Variants in SLC6A13 observed in about 807,000 individuals in gnomAD.
SLC6A13 encodes the protein sodium- and chloride-dependent GABA transporter 2.
Under a neutral mutation model 72.9 loss-of-function variants are expected in SLC6A13, and 69 were observed. The ratio of observed to expected loss-of-function variants is 0.95; its 90% CI spans 0.78 to 1.16. The LOEUF (loss-of-function observed/expected upper bound fraction) is 1.16. SLC6A13 is among the 50% of genes most tolerant of loss of function. The probability of loss-of-function intolerance (pLI) is 0.00; values close to 1 mark genes in which losing one functional copy is unlikely to be tolerated. For synonymous variants in SLC6A13, 303 were observed against 303.0 expected (o/e 1.00, Z 0.00); for missense variants, 735 against 760.5 (o/e 0.97, Z 0.39).
rs139858645 is a variant in SLC6A13, at chr12:262,150, C to T, written c.-6+639G>A. 9.8e-4 allele frequency among the ~76,000 whole-genome samples: 149 copies of T among 152,258 alleles called. 1 individual carries two copies. The highest frequency in any genetic ancestry group is 3.5e-3 in the African/African-American group (145 of 41,560). ...GTGATGGAAAGCCTTCCCTTCTCCA[C>T]CCTCCCAGACCCTAGGAGAAACAGT... On this transcript the variant is annotated intron_variant, in intron 1 of 14. Coordinates refer to ENST00000343164, the MANE Select transcript of SLC6A13 (RefSeq NM_016615.5).
intron 12 of SLC6A13, 30 bp from the exon 13 acceptor site, chr12:222,662 G>A (rs750707282): frequency 1.1e-5 from 16 of 1,466,162 alleles, no homozygotes; most frequent in South Asian, 2.4e-5. Context: ...AAGGAAGGAG[G>A]AGAAAGTCAT....
chr12:232,182 T>C lies in SLC6A13; in HGVS notation c.831+2908A>G, dbSNP rs143110859. On this transcript the variant is annotated intron_variant, in intron 7 of 14. Coordinates refer to ENST00000343164, the MANE Select transcript of SLC6A13 (RefSeq NM_016615.5). Reference sequence around the variant, plus strand: ...GATCAGGACAAAGCCATGAATCTGTTGTGGAAACACTAAGACCCTCTGTCC... The same window carrying C: ...GATCAGGACAAAGCCATGAATCTGTCGTGGAAACACTAAGACCCTCTGTCC... Among the ~76,000 whole-genome samples, 34 of 152,328 alleles carry C rather than the reference T, an allele frequency of 2.2e-4. No individual in the cohort carries two copies. In the East Asian group the frequency reaches 6.2e-3, roughly 28 times the overall value.
chr12:229,677 C>T (rs534046903), intron 7 of SLC6A13, among the ~76,000 whole-genome samples: 107 of 152,332 alleles, frequency 7.0e-4, no homozygotes, highest in Admixed American at 1.4e-3. Flanking sequence ...GGGTGTGTCC[C>T]GGGAGCCCGG....
At chr12:223,591 T>A (rs1322971672) in intron 11 of SLC6A13, among the ~76,000 whole-genome samples, 1 of 152,032 alleles carries the variant, frequency 6.6e-6, no homozygotes, top group Non-Finnish European at 1.5e-5. Flanking sequence ...AAGCTCCGTC[T>A]CCCTCCTTCT....
chr12:220,948 C>T lies in SLC6A13; in HGVS notation c.1809G>A (p.Ter603=). 1 of 1,612,400 alleles carries T rather than the reference C, an allele frequency of 6.2e-7. No homozygotes were observed. The highest frequency in any genetic ancestry group is 8.5e-7 in the Non-Finnish European group (1 of 1,179,910). ...LRLTELESHC[*] is the part of the protein sequence containing the mutation. The stretch of plus-strand genomic sequence containing the variant: ...CAGGCACCATCCAAGGGCCTGCCCC[C>T]TAGCAGTGAGACTCTAGCTCTGTGA... Residue 603 remains the stop codon, a stop_retained_variant, in exon 15 of 15, where the codon TAG becomes TAA. Transcript: ENST00000343164.
chr12:256,705 ACTT>A (rs1942757052), intron 2 of SLC6A13: 1 of 152,140 alleles, frequency 6.6e-6, no homozygotes, highest in African/African-American at 2.4e-5. Flanking sequence ...TGCTCTGAGG[ACTT>A]CTTCATCCCT....
chr12:233,427 G>A (rs771499568), intron 7 of SLC6A13, among the ~76,000 whole-genome samples: 1 of 152,206 alleles, frequency 6.6e-6, no homozygotes, highest in African/African-American at 2.4e-5. Context: ...CTACCCGGAC[G>A]GTAAAAAAGC....
intron 2 of SLC6A13, among the ~76,000 whole-genome samples, chr12:256,134 C>G (rs966577748): frequency 6.6e-6 from 1 of 152,128 alleles, no homozygotes; most frequent in South Asian, 2.1e-4. Context: ...TGGAATGCTA[C>G]CTAATTTACT....
intron 2 of SLC6A13, among the ~76,000 whole-genome samples, chr12:244,510 A>G (rs368818304): frequency 1.5e-4 from 23 of 151,982 alleles, no homozygotes; most frequent in South Asian, 1.0e-3. Flanking sequence ...GCAACATGGG[A>G]AAACTCTGTC....
At chr12:239,218 A>G (rs76008323) in intron 4 of SLC6A13, among the ~76,000 whole-genome samples, 2,306 of 66,790 alleles carry the variant, frequency 0.035, 116 homozygotes, top group East Asian at 0.15. Context: ...CCCTGCACAC[A>G]TGGGTTGTGT....
chr12:237,360 C>T, intron 5 of SLC6A13, 70 bp from the exon 6 acceptor site: 2 of 1,558,368 alleles, frequency 1.3e-6, no homozygotes, highest in Non-Finnish European at 1.8e-6. Context: ...CGTCCTGGGA[C>T]AGTGGAGCTG....
intron 8 of SLC6A13, 161 bp from the exon 9 acceptor site, chr12:226,675 G>A (rs368878395): frequency 1.5e-4 from 119 of 777,448 alleles, no homozygotes; most frequent in Middle Eastern, 4.0e-4. Flanking sequence ...AGAGGACCAC[G>A]CAAAGCACTG....
chr12:250,499 A>T (rs1237785731), intron 2 of SLC6A13, among the ~76,000 whole-genome samples: 1 of 152,210 alleles, frequency 6.6e-6, no homozygotes, highest in African/African-American at 2.4e-5. Flanking sequence ...TTAGGAATAA[A>T]CAACCATAAA....
intron 13 of SLC6A13, 54 bp downstream of exon 13, chr12:222,478 C>A: frequency 8.5e-7 from 1 of 1,172,344 alleles, no homozygotes; most frequent in Non-Finnish European, 1.2e-6. Context: ...TCTACCCCTG[C>A]TAGCCACCGT....
At chr12:237,383 G>T in intron 5 of SLC6A13, 93 bp from the exon 6 acceptor site, 1 of 1,425,534 alleles carries the variant, frequency 7.0e-7, no homozygotes, top group South Asian at 1.3e-5. Context: ...CCTGCCTCCA[G>T]GCTCTTGTCC....
At chr12:235,614 T>A (rs1159740226) in intron 6 of SLC6A13, among the ~76,000 whole-genome samples, 1 of 151,868 alleles carries the variant, frequency 6.6e-6, no homozygotes, top group East Asian at 1.9e-4. Context: ...GTAAAACACG[T>A]ATGTTTGAAC....
chr12:230,197 G>A (rs1025653276), intron 7 of SLC6A13, among the ~76,000 whole-genome samples: 2 of 152,246 alleles, frequency 1.3e-5, no homozygotes, highest in South Asian at 2.1e-4. Flanking sequence ...TCTCTGGCTA[G>A]GGCAGAAGGC....
intron 4 of SLC6A13, among the ~76,000 whole-genome samples, chr12:239,196 G>A (rs1370940393): frequency 1.0e-5 from 1 of 98,854 alleles, no homozygotes; most frequent in Non-Finnish European, 2.5e-5. Context: ...GCTCTACCAC[G>A]TCCACCCTGT....
rs183345013 is a variant in SLC6A13, at chr12:229,249, G to C, written c.832-1581C>G. On this transcript the variant is annotated intron_variant, in intron 7 of 14. Transcript: ENST00000343164. ...AAGGACAGACCCTGGGACAGGCAAG[G>C]GGGTGTTTGCAAACTGCAGTGTCTC... Among the ~76,000 whole-genome samples the C allele has an allele frequency of 6.8e-4, 103 of 152,294 alleles. No homozygotes were observed. The South Asian group carries it at 7.7e-3, about 11-fold the overall frequency.
Sources: gnomAD v4.1 joint callset for allele counts (sites outside exome capture counted in the v4.1 genomes callset) on GRCh38, gnomAD v4.1.1 for gene constraint, MANE v1.5 for transcripts, NCBI Gene and HGNC (gene_info 2026-07-23, HGNC 2026-07-21) for gene names.